ZNF83: variants seen among roughly 807,000 people sequenced by gnomAD.
The protein encoded by ZNF83 is zinc finger protein 83.
For synonymous variants in ZNF83, 209 were observed against 213.0 expected (o/e 0.98, Z 0.17); for missense variants, 552 against 629.9 (o/e 0.88, Z 1.32).
At chr19:52,623,709 G>C (rs1487803862) in intron 2 of ZNF83, among the ~76,000 whole-genome samples, 4 of 151,826 alleles carry the variant, frequency 2.6e-5, no homozygotes, top group African/African-American at 9.7e-5. Context: ...CCCTTACCCT[G>C]CTCAACACCA....
intron 3 of ZNF83, chr19:52,651,397 G>A (rs1470750858): frequency 6.6e-6 from 1 of 152,196 alleles, no homozygotes; most frequent in Non-Finnish European, 1.5e-5. Context: ...AATTCTTGAG[G>A]AGGTGTTAGA....
At chr19:52,624,705 G>T (rs1322780312) in intron 2 of ZNF83, among the ~76,000 whole-genome samples, 1 of 152,090 alleles carries the variant, frequency 6.6e-6, no homozygotes, top group Admixed American at 6.5e-5. Flanking sequence ...TAGCCTTTTT[G>T]TCCAAACAAC....
intron 2 of ZNF83, among the ~76,000 whole-genome samples, chr19:52,656,763 G>T (rs1212347122): frequency 2.0e-5 from 3 of 151,558 alleles, no homozygotes; most frequent in African/African-American, 7.3e-5. Context: ...CTACTCAGGA[G>T]GCTGAGGCAG....
At chr19:52,620,015 C>A (rs73061471) in intron 2 of ZNF83, among the ~76,000 whole-genome samples, 28,400 of 152,006 alleles carry the variant, frequency 0.19, 2,742 homozygotes, top group Middle Eastern at 0.28. Flanking sequence ...CACCACTGAG[C>A]TTCAGCCTGG....
intron 1 of ZNF83, among the ~76,000 whole-genome samples, chr19:52,672,314 G>C (rs948966618): frequency 2.0e-5 from 3 of 152,200 alleles, no homozygotes; most frequent in African/African-American, 7.2e-5. Context: ...ATATCTGTAA[G>C]TTAACATGTA....
At chr19:52,627,532 G>A (rs751487107) in intron 2 of ZNF83, among the ~76,000 whole-genome samples, 8 of 152,074 alleles carry the variant, frequency 5.3e-5, no homozygotes, top group African/African-American at 9.7e-5. Context: ...CATGATGGCA[G>A]GCACCTGTAA....
exon 3 of ZNF83, chr19:52,612,843 A>C: frequency 1.8e-6 from 1 of 559,692 alleles, no homozygotes; most frequent in Non-Finnish European, 3.0e-6. Context: ...AGACCTTGCC[A>C]CATTCAGTAC....
intron 1 of ZNF83, among the ~76,000 whole-genome samples, chr19:52,684,620 A>G (rs1188608809): frequency 6.7e-6 from 1 of 149,574 alleles, no homozygotes; most frequent in Non-Finnish European, 1.5e-5. Context: ...ATAAAACCTG[A>G]GTAACGTGAT....
intron 3 of ZNF83, among the ~76,000 whole-genome samples, chr19:52,644,742 C>T (rs555071281): frequency 1.8e-4 from 28 of 152,190 alleles, no homozygotes; most frequent in African/African-American, 4.8e-4. Flanking sequence ...TGGCCGGGTG[C>T]GATGGATCAT....
chr19:52,671,421 A>C (rs2061723456), intron 1 of ZNF83, among the ~76,000 whole-genome samples: 1 of 152,142 alleles, frequency 6.6e-6, no homozygotes, highest in South Asian at 2.1e-4. Context: ...AAATTAGAAA[A>C]TGTACCTTTT....
chr19:52,619,709 C>T (rs2060463137), intron 2 of ZNF83, among the ~76,000 whole-genome samples: 1 of 151,434 alleles, frequency 6.6e-6, no homozygotes, highest in Non-Finnish European at 1.5e-5. Flanking sequence ...ATGAGTGATG[C>T]CTTCAAAGAT....
upstream of ZNF83, among the ~76,000 whole-genome samples, chr19:52,641,956 T>C (rs143943638): frequency 7.9e-4 from 121 of 152,324 alleles, 1 homozygote; most frequent in African/African-American, 2.8e-3. Context: ...GGGTCACAGG[T>C]AGATAATAAA....
At chr19:52,652,486 C>T in intron 3 of ZNF83, 1 of 442,596 alleles carries the variant, frequency 2.3e-6, no homozygotes, top group African/African-American at 2.0e-5. Context: ...GAGGTTCTCT[C>T]CCATATGAAT....
intron 3 of ZNF83, among the ~76,000 whole-genome samples, chr19:52,644,734 G>T (rs1020328225): frequency 5.9e-5 from 9 of 152,118 alleles, no homozygotes; most frequent in Non-Finnish European, 1.2e-4. Flanking sequence ...TACATGGGTG[G>T]CCGGGTGCGA....
intron 1 of ZNF83, among the ~76,000 whole-genome samples, chr19:52,667,123 T>C (rs892078255): frequency 3.3e-5 from 5 of 151,874 alleles, no homozygotes; most frequent in East Asian, 1.9e-4. Context: ...AAAGTTAACA[T>C]TGTAACATGT....
At chr19:52,626,495 TG>T (rs2060742161) in intron 2 of ZNF83, among the ~76,000 whole-genome samples, 2 of 152,208 alleles carry the variant, frequency 1.3e-5, no homozygotes, top group Admixed American at 1.3e-4. Context: ...AGGACCCATC[TG>T]GACACTTTCT....
At chr19:52,618,011 C>T (rs2060380215) in intron 2 of ZNF83, 1 of 152,292 alleles carries the variant, frequency 6.6e-6, no homozygotes, top group African/African-American at 2.4e-5. Context: ...ACACTGAGCT[C>T]TCTTCCCAGA....
At chr19:52,642,034 G>A (rs1475758497), upstream of ZNF83, among the ~76,000 whole-genome samples, 1 of 152,090 alleles carries the variant, frequency 6.6e-6, no homozygotes, top group Non-Finnish European at 1.5e-5. Flanking sequence ...AGAGGGAGTA[G>A]AGGAATAGTC....
intron 1 of ZNF83, among the ~76,000 whole-genome samples, chr19:52,688,597 T>C (rs2062087735): frequency 2.0e-5 from 3 of 151,958 alleles, no homozygotes; most frequent in Admixed American, 6.6e-5. Flanking sequence ...ACCTCTCTCC[T>C]CTCCTGCTGT....
Sources: allele counts gnomAD v4.1 joint callset (sites outside exome capture counted in the v4.1 genomes callset), GRCh38; gene constraint gnomAD v4.1.1; transcripts MANE v1.5; gene names NCBI Gene and HGNC (gene_info 2026-07-23, HGNC 2026-07-21).